Variants in OPCML observed in about 807,000 individuals in gnomAD.
The protein encoded by OPCML is opioid binding protein/cell adhesion molecule like, also known as opioid-binding protein/cell adhesion molecule.
A neutral mutation model predicts 37.8 loss-of-function variants in OPCML; 13 were observed. The observed-to-expected ratio is 0.34, with a 90% CI of 0.22 to 0.55. The LOEUF is 0.55. Ranked by LOEUF, OPCML falls within the 20% of genes least tolerant of loss-of-function variation. The probability of loss-of-function intolerance (pLI) is 0.91; values close to 1 mark genes in which losing one functional copy is unlikely to be tolerated. For missense variants in OPCML, 341 were observed against 435.6 expected, an observed-to-expected ratio of 0.78 and a Z score of 1.93; for synonymous variants, 176 against 168.8, an observed-to-expected ratio of 1.04 and a Z score of -0.33.
At chr11:132,719,165 C>T (rs564467276) in intron 2 of OPCML, among the ~76,000 whole-genome samples, 2 of 152,312 alleles carry the variant, frequency 1.3e-5, no homozygotes, top group East Asian at 1.9e-4. Flanking sequence ...GTCCAGGAGG[C>T]GCGTGTTCTT....
At chr11:133,239,949 C>T (rs1416070078) in intron 1 of OPCML, among the ~76,000 whole-genome samples, 1 of 151,942 alleles carries the variant, frequency 6.6e-6, no homozygotes, top group Admixed American at 6.5e-5. Context: ...TAAGAAATTA[C>T]TTAATTATGG....
At chr11:132,629,548 A>C (rs1042735548) in intron 3 of OPCML, among the ~76,000 whole-genome samples, 1 of 152,232 alleles carries the variant, frequency 6.6e-6, no homozygotes, top group East Asian at 1.9e-4. Flanking sequence ...TTCAGAAGTT[A>C]GTACCAAAAT....
At chr11:132,577,505 C>T (rs1169400747) in intron 3 of OPCML, among the ~76,000 whole-genome samples, 2 of 152,142 alleles carry the variant, frequency 1.3e-5, no homozygotes, top group Non-Finnish European at 2.9e-5. Flanking sequence ...GCATATCAGA[C>T]TTTAATAGCA....
chr11:132,873,676 T>C (rs1365362286), intron 2 of OPCML, among the ~76,000 whole-genome samples: 1 of 122,240 alleles, frequency 8.2e-6, no homozygotes, highest in East Asian at 2.4e-4. Context: ...TAAAGAGACA[T>C]CAAAAATTAA....
intron 1 of OPCML, among the ~76,000 whole-genome samples, chr11:132,989,906 A>T (rs1946745003): frequency 6.6e-6 from 1 of 152,110 alleles, no homozygotes; most frequent in African/African-American, 2.4e-5. Context: ...TAACAAATAC[A>T]TTTATTTTAT....
chr11:133,024,791 A>G (rs1947518857), intron 1 of OPCML: 1 of 984,658 alleles, frequency 1.0e-6, no homozygotes. Context: ...GTGTAAAATG[A>G]CTCTCCCAGG....
At chr11:133,334,707 C>A (rs747021080) in intron 1 of OPCML, among the ~76,000 whole-genome samples, 1 of 152,124 alleles carries the variant, frequency 6.6e-6, no homozygotes, top group Non-Finnish European at 1.5e-5. Context: ...ATGTTAGGGT[C>A]CAGAACAAGC....
intron 2 of OPCML, among the ~76,000 whole-genome samples, chr11:132,737,301 TC>T (rs1398241636): frequency 6.6e-6 from 1 of 152,188 alleles, no homozygotes; most frequent in Non-Finnish European, 1.5e-5. Context: ...CAGTTTTTTG[TC>T]CCGTAGTACT....
At chr11:132,639,664 C>T (rs1362055239) in intron 3 of OPCML, among the ~76,000 whole-genome samples, 2 of 152,152 alleles carry the variant, frequency 1.3e-5, no homozygotes, top group African/African-American at 4.8e-5. Flanking sequence ...TTGGTCTGGC[C>T]CTCAGGCCTT....
In OPCML at chr11:132,943,356, A is replaced by AGGACGCTCCCCTG. The variant is rs1041502843; in HGVS notation, c.62-347_62-346insCAGGGGAGCGTCC. The AGGACGCTCCCCTG allele has an allele frequency of 1.9e-6, 1 of 533,438 alleles. No homozygotes were observed. The highest frequency in any genetic ancestry group is 1.9e-5 in the African/African-American group (1 of 52,830). The allele number at this position is 533,438 out of a possible 1,614,324, so 33.0% of individuals were successfully genotyped here. On this transcript the variant is annotated intron_variant, in intron 1 of 7. Coordinates refer to ENST00000524381, the MANE Select transcript of OPCML (RefSeq NM_001012393.5). This position sits in a 1 kb window ranked among gnomAD's most constrained non-coding sequence, Gnocchi z 4.3. ...CTTTCTTGACGCTCCCCTGGGGAGG[A>AGGACGCTCCCCTG]GGGAGGCGGCCAGGAGGGGAGAGGA... is the stretch of plus-strand genomic sequence containing the variant.
At chr11:133,524,339 T>C (rs530039230) in intron 1 of OPCML, among the ~76,000 whole-genome samples, 1 of 152,228 alleles carries the variant, frequency 6.6e-6, no homozygotes, top group Non-Finnish European at 1.5e-5. Context: ...ACCTTTTCCA[T>C]ATGAACATCA....
At chr11:133,111,765 G>A (rs1367576849) in intron 1 of OPCML, among the ~76,000 whole-genome samples, 1 of 152,188 alleles carries the variant, frequency 6.6e-6, no homozygotes, top group Non-Finnish European at 1.5e-5. Context: ...TTGTAGGTGG[G>A]AGGAGAGTTG....
intron 1 of OPCML, among the ~76,000 whole-genome samples, chr11:133,273,079 A>G (rs1455621020): frequency 4.6e-5 from 7 of 152,184 alleles, no homozygotes; most frequent in Admixed American, 2.0e-4. Flanking sequence ...CAGGGGTTTC[A>G]AGGAGAGCTG....
At chr11:133,508,004 G>T (rs750846286) in intron 1 of OPCML, among the ~76,000 whole-genome samples, 29 of 151,622 alleles carry the variant, frequency 1.9e-4, no homozygotes, top group Admixed American at 4.6e-4. Context: ...CTGTAAGATC[G>T]TTTTCCCCAA....
intron 1 of OPCML, among the ~76,000 whole-genome samples, chr11:133,029,370 C>T (rs1947623883): frequency 6.6e-6 from 1 of 152,138 alleles, no homozygotes; most frequent in African/African-American, 2.4e-5. Flanking sequence ...CACTAGTCAG[C>T]ATATAGCCAA....
At chr11:132,527,283 G>A (rs867182876) in intron 4 of OPCML, among the ~76,000 whole-genome samples, 1 of 152,258 alleles carries the variant, frequency 6.6e-6, no homozygotes, top group Middle Eastern at 3.4e-3. Context: ...CTAAGTGTAT[G>A]TTTAACTTTA....
intron 1 of OPCML, among the ~76,000 whole-genome samples, chr11:132,952,134 G>T (rs1945873773): frequency 6.6e-6 from 1 of 152,186 alleles, no homozygotes; most frequent in Non-Finnish European, 1.5e-5. Flanking sequence ...GTATTTGTAT[G>T]ACAGAAACCA....
At chr11:133,255,967 C>T (rs1287064324) in intron 1 of OPCML, among the ~76,000 whole-genome samples, 2 of 152,030 alleles carry the variant, frequency 1.3e-5, no homozygotes, top group Non-Finnish European at 2.9e-5. Flanking sequence ...TTTAATATTC[C>T]ATGTTGTATG....
Position 132,943,154 on chromosome 11 carries a change from G to A in OPCML, c.62-144C>T. ...GCACAGTCCTGGTCCCCCGCCCCGC[G>A]CACCAGCGGGCTCGGGAAGCGGTGC... On this transcript the variant is annotated intron_variant, in intron 1 of 7. Transcript: ENST00000524381. The surrounding 1 kb of genome is among the most constrained non-coding windows in gnomAD (Gnocchi z 4.3). 6.2e-7 allele frequency: 1 copy of A among 1,601,082 alleles called. No homozygotes were observed. Among genetic ancestry groups the A allele is most frequent in the Non-Finnish European group, 8.5e-7 (1 of 1,170,318 alleles).
Sources: allele counts gnomAD v4.1 joint callset (sites outside exome capture counted in the v4.1 genomes callset), GRCh38; gene constraint gnomAD v4.1.1; non-coding constraint Gnocchi (gnomAD v3.1); transcripts MANE v1.5; gene names NCBI Gene and HGNC (gene_info 2026-07-23, HGNC 2026-07-21).